The following LRFN5 variants were observed in gnomAD, a reference collection of about 807,000 sequenced individuals.
LRFN5 encodes the protein leucine rich repeat and fibronectin type III domain containing 5, also known as leucine-rich repeat and fibronectin type-III domain-containing protein 5.
LRFN5 carries 24 observed loss-of-function variants against 45.6 expected under a neutral mutation model. That is an observed-to-expected ratio of 0.53 (90% CI 0.38 to 0.74). The LOEUF (loss-of-function observed/expected upper bound fraction) is 0.74, where lower values mean the gene tolerates loss of function less well. LRFN5 is among the 30% of genes least tolerant of loss of function. The pLI is 0.00. For missense variants in LRFN5, 776 were observed against 861.5 expected, an observed-to-expected ratio of 0.90 and a Z score of 1.24; for synonymous variants, 340 against 313.8, an observed-to-expected ratio of 1.08 and a Z score of -0.88.
rs548777283 is a variant in LRFN5 at position 41,776,361 on chromosome 14, C to T, written c.-21+9332C>T. On this transcript the variant is annotated intron_variant, in intron 2 of 5. Coordinates refer to ENST00000298119, the MANE Select transcript of LRFN5 (RefSeq NM_152447.5). ...TCAAGTAAGAATCTTTTAGTTACCA[C>T]GTGAGTATCCCCGTTTTGGTGTCTT... 4.6e-5 allele frequency among the ~76,000 whole-genome samples: 7 copies of T among 152,170 alleles called. No homozygotes were observed. The South Asian group carries it at 1.0e-3, about 23-fold the overall frequency.
chr14:41,631,997 A>G (rs1401190509), intron 1 of LRFN5, among the ~76,000 whole-genome samples: 1 of 152,274 alleles, frequency 6.6e-6, no homozygotes, highest in Admixed American at 6.5e-5. Flanking sequence ...CTGCCCTTGA[A>G]TAGACTCTAA....
chr14:41,904,320 C>G lies in LRFN5; in HGVS notation c.*145C>G. On this transcript the variant is annotated 3_prime_UTR_variant, in exon 6 of 6. Transcript: ENST00000298119. ...TGTCTACAGGAGCCAAGGTGAAAGTCTCTGATGACGGCGGAACTGGCTCCA... is the reference window on the plus strand; with the variant it reads ...TGTCTACAGGAGCCAAGGTGAAAGTGTCTGATGACGGCGGAACTGGCTCCA... 3 of 1,013,710 alleles carry G rather than the reference C, an allele frequency of 3.0e-6. No individual in the cohort carries two copies. In the South Asian group the frequency reaches 4.2e-5, roughly 14 times the overall value. 62.8% of individuals were successfully genotyped at this position (1,013,710 alleles called of 1,614,324 possible).
chr14:41,801,277 G>C (rs966781813), intron 2 of LRFN5, among the ~76,000 whole-genome samples: 1 of 152,074 alleles, frequency 6.6e-6, no homozygotes, highest in South Asian at 2.1e-4. Context: ...TGAGGATTAA[G>C]TATATGTATG....
intron 2 of LRFN5, among the ~76,000 whole-genome samples, chr14:41,868,658 T>C (rs1178743104): frequency 6.6e-6 from 1 of 152,196 alleles, no homozygotes; most frequent in Admixed American, 6.5e-5. Flanking sequence ...TCCACTGCGT[T>C]AGCAGTATCT....
chr14:41,717,466 G>T (rs377269860), intron 1 of LRFN5, among the ~76,000 whole-genome samples: 1 of 152,194 alleles, frequency 6.6e-6, no homozygotes, highest in Non-Finnish European at 1.5e-5. Flanking sequence ...ACATGGTGAA[G>T]CACCAGCCTT....
At chr14:41,795,782 G>C (rs1264312186) in intron 2 of LRFN5, among the ~76,000 whole-genome samples, 1 of 151,826 alleles carries the variant, frequency 6.6e-6, no homozygotes, top group Non-Finnish European at 1.5e-5. Context: ...GTCGTAGGTT[G>C]GGGGGAGGGG....
chr14:41,808,221 A>AGGAAGGAAGGAG (rs1887590410), intron 2 of LRFN5, among the ~76,000 whole-genome samples: 1 of 143,708 alleles, frequency 7.0e-6, no homozygotes, highest in African/African-American at 2.6e-5. Context: ...GAAGGAAGGA[A>AGGAAGGAAGGAG]GGAAGGAAGG....
At chr14:41,798,193 T>C (rs570814743) in intron 2 of LRFN5, among the ~76,000 whole-genome samples, 7 of 152,078 alleles carry the variant, frequency 4.6e-5, no homozygotes, top group African/African-American at 1.7e-4. Flanking sequence ...GAATTAATCA[T>C]TTTATTGTAG....
intron 2 of LRFN5, among the ~76,000 whole-genome samples, chr14:41,790,562 T>C (rs1447482436): frequency 7.6e-6 from 1 of 131,056 alleles, no homozygotes; most frequent in African/African-American, 2.9e-5. Context: ...TTAATATACA[T>C]GTAAGGCTAA....
At chr14:41,845,430 A>G (rs756719495) in intron 2 of LRFN5, among the ~76,000 whole-genome samples, 57 of 152,178 alleles carry the variant, frequency 3.7e-4, no homozygotes, top group Non-Finnish European at 6.6e-4. Context: ...GTCGTCTGCC[A>G]TATGCATGTA....
At chr14:41,798,069 C>T (rs548391986) in intron 2 of LRFN5, among the ~76,000 whole-genome samples, 10 of 152,028 alleles carry the variant, frequency 6.6e-5, no homozygotes, top group Non-Finnish European at 1.2e-4. Flanking sequence ...TTAACTTAGA[C>T]TTATTGCTCT....
chr14:41,623,470 A>T (rs1176623724), intron 1 of LRFN5, among the ~76,000 whole-genome samples: 2 of 152,178 alleles, frequency 1.3e-5, no homozygotes, highest in African/African-American at 2.4e-5. Context: ...GTGGGGATTT[A>T]AAAAAAATTC....
At chr14:41,850,470 G>A (rs574197749) in intron 2 of LRFN5, among the ~76,000 whole-genome samples, 13 of 151,776 alleles carry the variant, frequency 8.6e-5, no homozygotes, top group African/African-American at 3.1e-4. Flanking sequence ...CAATATTGAG[G>A]CCTCTTACTT....
intron 2 of LRFN5, among the ~76,000 whole-genome samples, chr14:41,781,988 C>T (rs1011211664): frequency 6.6e-6 from 1 of 152,030 alleles, no homozygotes; most frequent in Admixed American, 6.6e-5. Flanking sequence ...TTTGAACATT[C>T]TCTAAATGTA....
At chr14:41,658,321 T>G (rs555355913) in intron 1 of LRFN5, among the ~76,000 whole-genome samples, 1 of 152,094 alleles carries the variant, frequency 6.6e-6, no homozygotes, top group Non-Finnish European at 1.5e-5. Flanking sequence ...AGCTATAATT[T>G]TACTTGATAC....
intron 1 of LRFN5, among the ~76,000 whole-genome samples, chr14:41,649,696 G>C (rs879555233): frequency 6.6e-6 from 1 of 152,062 alleles, no homozygotes; most frequent in African/African-American, 2.4e-5. Flanking sequence ...GATCACCCTG[G>C]TCTGTCTTCA....
intron 1 of LRFN5, among the ~76,000 whole-genome samples, chr14:41,641,152 G>A (rs976846460): frequency 6.6e-6 from 1 of 152,096 alleles, no homozygotes; most frequent in Non-Finnish European, 1.5e-5. Flanking sequence ...ACAGTAACTT[G>A]AGACATATTT....
intron 2 of LRFN5, among the ~76,000 whole-genome samples, chr14:41,767,395 G>A (rs888748531): frequency 2.6e-5 from 4 of 151,930 alleles, no homozygotes; most frequent in African/African-American, 9.7e-5. Flanking sequence ...TATCAAATTT[G>A]CTTGGCTAAT....
intron 1 of LRFN5, among the ~76,000 whole-genome samples, chr14:41,716,684 C>T (rs750374776): frequency 2.6e-5 from 4 of 152,270 alleles, no homozygotes; most frequent in East Asian, 3.9e-4. Context: ...CTAGGAAGTG[C>T]GAAACTTTTC....
Sources: allele counts gnomAD v4.1 joint callset (sites outside exome capture counted in the v4.1 genomes callset), GRCh38; gene constraint gnomAD v4.1.1; transcripts MANE v1.5; gene names NCBI Gene and HGNC (gene_info 2026-07-23, HGNC 2026-07-21).